ELOVL6: variants seen among roughly 807,000 people sequenced by gnomAD.
The protein encoded by ELOVL6 is very long chain fatty acid elongase 6.
In ELOVL6, 8 loss-of-function variants were observed where a neutral mutation model predicts 31.7. That is an observed-to-expected ratio of 0.25 (90% CI 0.15 to 0.45). The LOEUF is 0.45. Ranked by LOEUF, ELOVL6 falls within the 20% of genes least tolerant of loss-of-function variation. ELOVL6 has a pLI of 1.00. For missense variants in ELOVL6, 126 were observed against 326.4 expected (o/e 0.39, Z 4.73); for synonymous variants, 101 against 117.7 (o/e 0.86, Z 0.92).
chr4:110,143,040 C>T (rs923376042), intron 1 of ELOVL6, among the ~76,000 whole-genome samples: 3 of 152,228 alleles, frequency 2.0e-5, no homozygotes, highest in African/African-American at 7.2e-5. Flanking sequence ...TACCTCTCTA[C>T]CAGGAAGGAA....
At chr4:110,175,446 A>G (rs958616080) in intron 1 of ELOVL6, among the ~76,000 whole-genome samples, 1 of 152,170 alleles carries the variant, frequency 6.6e-6, no homozygotes, top group African/African-American at 2.4e-5. Context: ...CCTATTTTAT[A>G]GGGTTGAAGG....
At chr4:110,058,289 AG>A (rs1202906544) in intron 3 of ELOVL6, among the ~76,000 whole-genome samples, 4 of 136,604 alleles carry the variant, frequency 2.9e-5, no homozygotes, top group Non-Finnish European at 6.4e-5. Context: ...TGTCTGTTGG[AG>A]GGGGGGAGCG....
At chr4:110,151,036 C>A (rs1758264738) in intron 1 of ELOVL6, among the ~76,000 whole-genome samples, 1 of 150,244 alleles carries the variant, frequency 6.7e-6, no homozygotes, top group African/African-American at 2.4e-5. Context: ...GAGGAAGACT[C>A]CGTCTGAAAA....
intron 1 of ELOVL6, among the ~76,000 whole-genome samples, chr4:110,128,696 C>T (rs565406519): frequency 1.3e-4 from 20 of 152,280 alleles, no homozygotes; most frequent in East Asian, 3.9e-4. Context: ...TATCTGTGAG[C>T]GTAGGGGCAA....
At chr4:110,169,894 TC>T (rs1307688243) in intron 1 of ELOVL6, among the ~76,000 whole-genome samples, 1 of 150,936 alleles carries the variant, frequency 6.6e-6, no homozygotes, top group Non-Finnish European at 1.5e-5. Flanking sequence ...AACCTCTGCC[TC>T]CCAGGTTCAA....
intron 1 of ELOVL6, among the ~76,000 whole-genome samples, chr4:110,196,399 C>T (rs993624032): frequency 2.0e-5 from 3 of 152,116 alleles, no homozygotes; most frequent in Non-Finnish European, 4.4e-5. Flanking sequence ...CAGCGCGGTT[C>T]CGGCGCCCGC....
intron 3 of ELOVL6, among the ~76,000 whole-genome samples, chr4:110,054,195 C>G (rs1310480717): frequency 6.6e-6 from 1 of 152,200 alleles, no homozygotes; most frequent in African/African-American, 2.4e-5. Flanking sequence ...CATCTTCTCT[C>G]TTGCAAGATG....
chr4:110,141,874 T>TATATATATATATATAC (rs926529050), intron 1 of ELOVL6, among the ~76,000 whole-genome samples: 83 of 143,208 alleles, frequency 5.8e-4, no homozygotes, highest in African/African-American at 2.0e-3. Flanking sequence ...TATATATATA[T>TATATATATATATATAC]ACTAATACAA....
At position 110,097,347 on chromosome 4, in the gene ELOVL6, A is replaced by AC. The variant is rs1222983660; in HGVS notation, c.221+8149dup. 1.6e-4 allele frequency among the ~76,000 whole-genome samples: 24 copies of AC among 149,814 alleles called. 1 individual carries two copies. In the East Asian group the frequency reaches 4.2e-3, roughly 26 times the overall value. On this transcript the variant is annotated intron_variant, in intron 2 of 3. Coordinates refer to ENST00000302274, the MANE Select transcript of ELOVL6 (RefSeq NM_024090.3). ...AGCTTAAGAAATCCTCTACCCCACT[A>AC]CCTTTCAGACTAGACATTGTTATCT...
At chr4:110,083,331 T>C (rs756815070) in intron 2 of ELOVL6, among the ~76,000 whole-genome samples, 6 of 151,690 alleles carry the variant, frequency 4.0e-5, no homozygotes, top group Non-Finnish European at 8.8e-5. Flanking sequence ...AGCGGGGACA[T>C]GTGATCTGAT....
At chr4:110,109,455 T>C (rs889635910) in intron 1 of ELOVL6, among the ~76,000 whole-genome samples, 1 of 151,682 alleles carries the variant, frequency 6.6e-6, no homozygotes, top group African/African-American at 2.4e-5. Context: ...ATTTCTGTCA[T>C]CAAGATGAAC....
intron 2 of ELOVL6, among the ~76,000 whole-genome samples, chr4:110,070,929 G>A (rs1028711651): frequency 6.6e-6 from 1 of 152,102 alleles, no homozygotes; most frequent in Non-Finnish European, 1.5e-5. Flanking sequence ...AGCAATGTAA[G>A]AAGGGACGAA....
chr4:110,170,460 C>A (rs1028428781), intron 1 of ELOVL6, among the ~76,000 whole-genome samples: 10 of 152,190 alleles, frequency 6.6e-5, no homozygotes, highest in African/African-American at 2.4e-4. Flanking sequence ...CATTTGTGGT[C>A]ATGCAAAGAG....
chr4:110,093,598 A>T (rs1445431772), intron 2 of ELOVL6, among the ~76,000 whole-genome samples: 1 of 152,198 alleles, frequency 6.6e-6, no homozygotes, highest in Admixed American at 6.5e-5. Flanking sequence ...AAAGCTGGAA[A>T]ATTTTCCTAT....
intron 2 of ELOVL6, among the ~76,000 whole-genome samples, chr4:110,094,061 C>T (rs901489650): frequency 6.6e-6 from 1 of 151,324 alleles, no homozygotes; most frequent in Non-Finnish European, 1.5e-5. Context: ...ACCAGCCTGG[C>T]CGACATGGCA....
At chr4:110,053,687 T>C (rs374193511) in intron 3 of ELOVL6, among the ~76,000 whole-genome samples, 1 of 151,900 alleles carries the variant, frequency 6.6e-6, no homozygotes, top group East Asian at 1.9e-4. Context: ...CACCTGTAAT[T>C]CCAGCACTTT....
chr4:110,117,502 T>G (rs6854281), intron 1 of ELOVL6, among the ~76,000 whole-genome samples: 6,039 of 152,074 alleles, frequency 0.04, 401 homozygotes, highest in African/African-American at 0.14. Context: ...GTCAGTATAT[T>G]ACTCTCTTCA....
chr4:110,164,057 G>A (rs530831124), intron 1 of ELOVL6, among the ~76,000 whole-genome samples: 1 of 152,332 alleles, frequency 6.6e-6, no homozygotes, highest in East Asian at 1.9e-4. Context: ...TCTGCTGAGA[G>A]TCATGCCAGT....
intron 1 of ELOVL6, among the ~76,000 whole-genome samples, chr4:110,139,805 C>A (rs1379193460): frequency 6.6e-6 from 1 of 152,194 alleles, no homozygotes; most frequent in African/African-American, 2.4e-5. Flanking sequence ...ATTACTGGAT[C>A]TTGCTAGCAA....
Sources: allele counts gnomAD v4.1 joint callset (sites outside exome capture counted in the v4.1 genomes callset), GRCh38; gene constraint gnomAD v4.1.1; transcripts MANE v1.5; gene names NCBI Gene and HGNC (gene_info 2026-07-23, HGNC 2026-07-21).